Variants in DENND3 observed in about 807,000 individuals in gnomAD.
DENND3 encodes DENN domain-containing protein 3.
A neutral mutation model predicts 135.1 loss-of-function variants in DENND3; 88 were observed. The ratio of observed to expected loss-of-function variants is 0.65; its 90% confidence interval spans 0.55 to 0.78. DENND3 has a LOEUF of 0.78. Ranked by LOEUF, DENND3 falls within the 30% of genes least tolerant of loss-of-function variation. The pLI is 0.00. For missense variants in DENND3, 1,392 were observed against 1,688.4 expected (o/e 0.82, Z 3.08); for synonymous variants, 693 against 712.3 (o/e 0.97, Z 0.43).
In DENND3 at chr8:141,182,932, A is replaced by G. The variant is rs1350174733; in HGVS notation, c.2944+2078A>G. ...GGGAGCAACAGACCACTGGAATCGCACCCCAGAAAGACCGGGAGGCCTGCC... is the reference window on the plus strand; with the variant it reads ...GGGAGCAACAGACCACTGGAATCGCGCCCCAGAAAGACCGGGAGGCCTGCC... On this transcript the variant is annotated intron_variant, in intron 17 of 22. Coordinates refer to ENST00000519811, the MANE Select transcript of DENND3 (RefSeq NM_001352890.3). The surrounding 1 kb of genome is among the most constrained non-coding windows in gnomAD (Gnocchi z 5.9). Among the ~76,000 whole-genome samples the G allele has an allele frequency of 6.6e-5, 10 of 152,146 alleles. No individual in the cohort carries two copies. The highest frequency in any genetic ancestry group is 1.2e-4 in the Non-Finnish European group (8 of 68,022).
chr8:141,135,087 C>T (rs1347336171), intron 1 of DENND3, among the ~76,000 whole-genome samples: 3 of 152,064 alleles, frequency 2.0e-5, no homozygotes, highest in East Asian at 1.9e-4. Flanking sequence ...CTGCCCGCCT[C>T]GGCTTCCCAA....
chr8:141,165,605 C>T (rs948696921), intron 11 of DENND3, among the ~76,000 whole-genome samples: 8 of 152,036 alleles, frequency 5.3e-5, no homozygotes, highest in East Asian at 3.9e-4. Context: ...GCTGGGATTA[C>T]AGGCACCCAC....
chr8:141,141,129 G>A lies in DENND3; in HGVS notation c.502-74G>A, dbSNP rs1817401850. On this transcript the variant is annotated intron_variant, in intron 3 of 22. Transcript: ENST00000519811. The surrounding 1 kb of genome is among the most constrained non-coding windows in gnomAD (Gnocchi z 5.3). ...CTCTCAGCTTGCTGTGTGCTGAAAC[G>A]TGACCCAGTTGGAAACAGATACTGG... 6.2e-6 allele frequency: 10 copies of A among 1,608,040 alleles called. No homozygotes were observed. The highest frequency in any genetic ancestry group is 2.2e-5 in the East Asian group (1 of 44,800).
rs372550861 is a variant in DENND3, at chr8:141,187,947, G to A, written c.3085-1039G>A. Among the ~76,000 whole-genome samples, 139 of 152,270 alleles carry A rather than the reference G, an allele frequency of 9.1e-4. No individual in the cohort carries two copies. In the East Asian group the frequency reaches 0.019, roughly 20 times the overall value. ...CACGCCTGTAATCCCAGCACTTTGG[G>A]GGGCCGAAGCAGGAGGATTGCTTGA... On this transcript the variant is annotated intron_variant, in intron 18 of 22. Transcript: ENST00000519811.
chr8:141,136,443 A>G, intron 1 of DENND3, 66 bp from the exon 2 acceptor site: 1 of 1,445,204 alleles, frequency 6.9e-7, no homozygotes, highest in South Asian at 1.4e-5. Flanking sequence ...TGAAGCTCAG[A>G]CAGAAAGGAT....
At chr8:141,173,814 A>C (rs1821971065) in intron 13 of DENND3, 1 of 152,134 alleles carries the variant, frequency 6.6e-6, no homozygotes, top group Non-Finnish European at 1.5e-5. Flanking sequence ...GCCCAGCCTC[A>C]CGGCCCAGGT....
rs1817982653 is a variant in DENND3, at chr8:141,145,824, TATATATATATA to T, written c.735+1566_735+1576del. On this transcript the variant is annotated intron_variant, in intron 5 of 22. Coordinates refer to ENST00000519811, the MANE Select transcript of DENND3 (RefSeq NM_001352890.3). ...AATATTATATATATATATATATATA[TATATATATATA>T]TATATATATATATATGTATTTTTTT... is the stretch of plus-strand genomic sequence containing the variant. Among the ~76,000 whole-genome samples the T allele has an allele frequency of 5.0e-4, 20 of 40,370 alleles. 3 individuals are homozygous for T. Among genetic ancestry groups the T allele is most frequent in the African/African-American group, 1.9e-3 (20 of 10,334 alleles). 26.5% of individuals were successfully genotyped at this position (40,370 alleles called of 152,430 possible).
At chr8:141,181,694 A>G (rs1823130437) in intron 17 of DENND3, among the ~76,000 whole-genome samples, 2 of 152,244 alleles carry the variant, frequency 1.3e-5, no homozygotes, top group African/African-American at 4.8e-5. Context: ...ACAGTGCAGC[A>G]GGGAAGCTTA....
chr8:141,148,194 G>A (rs1447779154), intron 5 of DENND3, among the ~76,000 whole-genome samples: 8 of 152,126 alleles, frequency 5.3e-5, no homozygotes, highest in Admixed American at 3.9e-4. Flanking sequence ...GTGTGTGTGC[G>A]TTCCTCATTA....
rs1394205038 is a variant in DENND3, at chr8:141,192,681, CCATCCCCAG to C, written c.3636+26_3636+34del. 1.9e-6 allele frequency: 3 copies of C among 1,605,570 alleles called. No homozygotes were observed. In the South Asian group the frequency reaches 3.3e-5, roughly 18 times the overall value. ...AGAAGCAGGTAGGGTGGAGGGCCCG[CCATCCCCAG>C]CATCCCCGGCAGGTCTCGCTTGCCC... On this transcript the variant is annotated intron_variant, in intron 22 of 22. Transcript: ENST00000519811.
intron 5 of DENND3, among the ~76,000 whole-genome samples, chr8:141,145,727 T>C (rs1817943370): frequency 6.7e-6 from 1 of 150,366 alleles, no homozygotes; most frequent in African/African-American, 2.4e-5. Flanking sequence ...CATGGAAACC[T>C]GAATCCTTTT....
At position 141,138,730 on chromosome 8, in the gene DENND3, C is replaced by T. The variant is rs188442126; in HGVS notation, c.501+593C>T. ...CTGGATGTATGTATTCTGGACACTT[C>T]GTGTAAGTGGACTCATACAGCATGT... On this transcript the variant is annotated intron_variant, in intron 3 of 22. Transcript: ENST00000519811. The surrounding 1 kb of genome is among the most constrained non-coding windows in gnomAD (Gnocchi z 4.8). 2.6e-5 allele frequency among the ~76,000 whole-genome samples: 4 copies of T among 152,262 alleles called. No individual in the cohort carries two copies. The highest frequency in any genetic ancestry group is 7.2e-5 in the African/African-American group (3 of 41,552).
chr8:141,169,705 G>A (rs755234012), intron 13 of DENND3, among the ~76,000 whole-genome samples: 42 of 152,200 alleles, frequency 2.8e-4, no homozygotes, highest in African/African-American at 9.4e-4. Flanking sequence ...CACCTGACGC[G>A]GTACCTAGTG....
intron 14 of DENND3, 138 bp from the exon 15 acceptor site, chr8:141,176,453 T>C: frequency 9.4e-7 from 1 of 1,068,104 alleles, no homozygotes; most frequent in Non-Finnish European, 1.4e-6. Context: ...CCCGGGGCCC[T>C]GCCTTCCACA....
intron 11 of DENND3, among the ~76,000 whole-genome samples, 162 bp downstream of exon 11, chr8:141,165,451 G>T (rs867906357): frequency 6.6e-6 from 1 of 150,562 alleles, no homozygotes; most frequent in Non-Finnish European, 1.5e-5. Context: ...TTCTCTCCAT[G>T]TTTCTACTTC....
At chr8:141,142,422 C>T in intron 4 of DENND3, 1 of 457,096 alleles carries the variant, frequency 2.2e-6, no homozygotes, top group African/African-American at 2.0e-5. Context: ...TTGAGACCTT[C>T]TGCCTTGACC....
At position 141,194,258 on chromosome 8, in the gene DENND3, A is replaced by C. The variant is rs1467033027; in HGVS notation, c.*25A>C. 1.1e-5 allele frequency: 17 copies of C among 1,604,956 alleles called. No individual in the cohort carries two copies. Among genetic ancestry groups the C allele is most frequent in the Non-Finnish European group, 1.3e-5 (15 of 1,177,152 alleles). ...AACGTGGCTGAGTCTGCCAAGTGGA[A>C]CTGTGCCCTATGTGTGGGGACTGGC... On this transcript the variant is annotated 3_prime_UTR_variant, in exon 23 of 23. Transcript: ENST00000519811.
At position 141,182,974 on chromosome 8, in the gene DENND3, G is replaced by A. The variant is rs1010620471; in HGVS notation, c.2944+2120G>A. ...AGGCCTGCCCTTCTGGACTCAGGAC[G>A]GAGGCAGCACTGCAGGGCGGGGGGT... On this transcript the variant is annotated intron_variant, in intron 17 of 22. Coordinates refer to ENST00000519811, the MANE Select transcript of DENND3 (RefSeq NM_001352890.3). This position sits in a 1 kb window ranked among gnomAD's most constrained non-coding sequence, Gnocchi z 5.9. Among the ~76,000 whole-genome samples the A allele has an allele frequency of 1.3e-5, 2 of 152,230 alleles. No individual in the cohort carries two copies. Among genetic ancestry groups the A allele is most frequent in the Non-Finnish European group, 2.9e-5 (2 of 68,042 alleles).
chr8:141,129,535 A>G (rs1815679810), intron 1 of DENND3: 1 of 151,284 alleles, frequency 6.6e-6, no homozygotes, highest in Non-Finnish European at 1.5e-5. Flanking sequence ...TTTCTTCCCC[A>G]GCTTTTCTTA....
Sources: gnomAD v4.1 joint callset for allele counts (sites outside exome capture counted in the v4.1 genomes callset) on GRCh38, gnomAD v4.1.1 for gene constraint, Gnocchi (gnomAD v3.1) non-coding constraint, MANE v1.5 for transcripts, NCBI Gene and HGNC (gene_info 2026-07-23, HGNC 2026-07-21) for gene names.